NLGN1: variants seen among roughly 807,000 people sequenced by gnomAD.
NLGN1 encodes neuroligin-1.
Under a neutral mutation model 65.5 loss-of-function variants are expected in NLGN1, and 12 were observed. That is an observed-to-expected ratio of 0.18 (90% CI 0.12 to 0.30). The LOEUF (loss-of-function observed/expected upper bound fraction) is 0.30. Among genes scored for constraint, NLGN1 ranks in the 10% least tolerant of loss-of-function variants. The probability of loss-of-function intolerance (pLI) is 1.00; values close to 1 mark genes in which losing one functional copy is unlikely to be tolerated. For missense variants in NLGN1, 750 were observed against 1,007.1 expected, an observed-to-expected ratio of 0.74 and a Z score of 3.46; for synonymous variants, 350 against 359.5, an observed-to-expected ratio of 0.97 and a Z score of 0.30.
chr3:174,242,762 C>T lies in NLGN1; in HGVS notation c.647-32553C>T, dbSNP rs114103521. ...ATGTGGCAATAATAGAAATAAAGTGCGTAATAAATGCAATGCACTTGAATC... is the reference window on the plus strand; with the variant it reads ...ATGTGGCAATAATAGAAATAAAGTGTGTAATAAATGCAATGCACTTGAATC... On this transcript the variant is annotated intron_variant, in intron 4 of 6. Transcript: ENST00000457714. Among the ~76,000 whole-genome samples the T allele has an allele frequency of 2.1e-3, 317 of 152,126 alleles. 1 individual carries two copies. Among genetic ancestry groups the T allele is most frequent in the African/African-American group, 6.8e-3 (284 of 41,506 alleles).
chr3:174,141,559 T>A (rs1038094329), intron 4 of NLGN1, among the ~76,000 whole-genome samples: 6 of 152,210 alleles, frequency 3.9e-5, no homozygotes, highest in Non-Finnish European at 8.8e-5. Context: ...AAGATCCATA[T>A]GTACCTGAAA....
intron 4 of NLGN1, among the ~76,000 whole-genome samples, chr3:174,161,653 G>A (rs77194394): frequency 3.3e-5 from 5 of 151,820 alleles, no homozygotes; most frequent in African/African-American, 1.2e-4. Flanking sequence ...TTAGGCAGGG[G>A]TAAGGAAGAA....
At chr3:174,105,411 A>T (rs144920645) in intron 4 of NLGN1, among the ~76,000 whole-genome samples, 1 of 152,022 alleles carries the variant, frequency 6.6e-6, no homozygotes, top group East Asian at 2.0e-4. Flanking sequence ...GGTGGCACGC[A>T]CCCATATCCC....
intron 3 of NLGN1, among the ~76,000 whole-genome samples, chr3:173,672,397 C>A (rs998661752): frequency 6.6e-6 from 1 of 152,090 alleles, no homozygotes. Flanking sequence ...GAAATGCTTA[C>A]GAGATTTGCA....
At position 173,539,799 on chromosome 3, in the gene NLGN1, T is replaced by C. The variant is rs796205242; in HGVS notation, c.-320-64480T>C. Among the ~76,000 whole-genome samples, 731 of 43,932 alleles carry C rather than the reference T, an allele frequency of 0.017. 20 individuals are homozygous for C. In the East Asian group the frequency reaches 0.42, roughly 25 times the overall value. 28.8% of individuals were successfully genotyped at this position (43,932 alleles called of 152,430 possible). A position where few individuals can be genotyped will look rare whatever the true frequency, so the allele number is the denominator to read the frequency against. On this transcript the variant is annotated intron_variant, in intron 2 of 6. Coordinates refer to ENST00000457714, the Ensembl canonical transcript of NLGN1. ...ACACATATATATGTACATATATACA[T>C]ATATATACATATATACATATGTTAT...
chr3:173,481,172 T>A (rs1727217425), intron 2 of NLGN1, among the ~76,000 whole-genome samples: 1 of 152,022 alleles, frequency 6.6e-6, no homozygotes, highest in Admixed American at 6.6e-5. Flanking sequence ...CATAAATATA[T>A]GCTATTTTAG....
intron 4 of NLGN1, among the ~76,000 whole-genome samples, chr3:174,067,472 A>C (rs1317983600): frequency 6.6e-6 from 1 of 152,160 alleles, no homozygotes; most frequent in Non-Finnish European, 1.5e-5. Flanking sequence ...TTGTTTACAA[A>C]ATGCAGCTTA....
intron 4 of NLGN1, among the ~76,000 whole-genome samples, chr3:173,969,766 GAT>G (rs1254645648): frequency 2.6e-5 from 4 of 152,006 alleles, no homozygotes; most frequent in Non-Finnish European, 5.9e-5. Context: ...CTGGAAACTT[GAT>G]TTTTATTGTC....
intron 4 of NLGN1, among the ~76,000 whole-genome samples, chr3:173,815,968 G>GA (rs1376526659): frequency 7.4e-6 from 1 of 134,670 alleles, no homozygotes; most frequent in Non-Finnish European, 1.6e-5. Flanking sequence ...AGGATATTGT[G>GA]AAAATCCTTA....
In NLGN1 at chr3:174,209,319, C is replaced by A. The variant is rs531051386; in HGVS notation, c.647-65996C>A. ...TTCTGACTGCACTATAACTCTGCTT[C>A]TTTCTTATTGTATTTTATCACTATG... is the stretch of plus-strand genomic sequence containing the variant. On this transcript the variant is annotated intron_variant, in intron 4 of 6. Transcript: ENST00000457714. Among the ~76,000 whole-genome samples, 6 of 152,290 alleles carry A rather than the reference C, an allele frequency of 3.9e-5. No homozygotes were observed. The East Asian group carries it at 7.7e-4, about 20-fold the overall frequency.
chr3:174,048,748 T>C (rs772377596), intron 4 of NLGN1, among the ~76,000 whole-genome samples: 6 of 151,998 alleles, frequency 3.9e-5, no homozygotes, highest in Non-Finnish European at 8.8e-5. Context: ...ATTGTATGAA[T>C]TATCATCAAA....
intron 4 of NLGN1, among the ~76,000 whole-genome samples, chr3:174,258,159 G>A (rs1577637401): frequency 6.6e-6 from 1 of 151,938 alleles, no homozygotes; most frequent in African/African-American, 2.4e-5. Context: ...GTGTTCAAAG[G>A]TAATGGGTAC....
chr3:173,773,255 C>G (rs1471160485), intron 3 of NLGN1, among the ~76,000 whole-genome samples: 1 of 152,180 alleles, frequency 6.6e-6, no homozygotes, highest in African/African-American at 2.4e-5. Flanking sequence ...AAGCATTTAT[C>G]TCCCTCCCTC....
chr3:173,444,973 A>G lies in NLGN1; in HGVS notation c.-321+9895A>G, dbSNP rs575944600. ...ATGCAAGGACTTGTATTAAAAAAAA[A>G]ACAAGGACTTGGCCGGGCGCGGTCG... On this transcript the variant is annotated intron_variant, in intron 2 of 6. Transcript: ENST00000457714. 8.5e-4 allele frequency among the ~76,000 whole-genome samples: 129 copies of G among 151,790 alleles called. 3 individuals are homozygous for G. The highest frequency in any genetic ancestry group is 1.0e-3 in the Non-Finnish European group (70 of 67,894).
At chr3:174,014,264 A>G (rs2152446809) in intron 4 of NLGN1, among the ~76,000 whole-genome samples, 1 of 152,356 alleles carries the variant, frequency 6.6e-6, no homozygotes, top group South Asian at 2.1e-4. Flanking sequence ...GTTAATAAGC[A>G]AACATCTGAT....
intron 4 of NLGN1, among the ~76,000 whole-genome samples, chr3:173,829,677 C>T (rs373432266): frequency 2.6e-5 from 4 of 152,122 alleles, no homozygotes; most frequent in East Asian, 1.9e-4. Flanking sequence ...TACATTAGAT[C>T]CCAAGAACTT....
chr3:173,505,532 T>C (rs1479883607), intron 2 of NLGN1, among the ~76,000 whole-genome samples: 1 of 152,098 alleles, frequency 6.6e-6, no homozygotes, highest in Non-Finnish European at 1.5e-5. Flanking sequence ...TCTGCACCAC[T>C]CTTCTCCTAA....
At chr3:173,740,133 G>A (rs1462469040) in intron 3 of NLGN1, among the ~76,000 whole-genome samples, 1 of 152,050 alleles carries the variant, frequency 6.6e-6, no homozygotes, top group East Asian at 1.9e-4. Flanking sequence ...AATCCTTCCA[G>A]ATGGGTCCAA....
At chr3:174,155,012 A>T (rs9830911) in intron 4 of NLGN1, among the ~76,000 whole-genome samples, 1,230 of 81,110 alleles carry the variant, frequency 0.015, 19 homozygotes, top group African/African-American at 0.08. Flanking sequence ...TTATATATTG[A>T]TATAAATATA....
Sources: gnomAD v4.1 joint callset for allele counts (sites outside exome capture counted in the v4.1 genomes callset) on GRCh38, gnomAD v4.1.1 for gene constraint, MANE v1.5 for transcripts, NCBI Gene and HGNC (gene_info 2026-07-23, HGNC 2026-07-21) for gene names.